The following SEC14L1 variants were observed in gnomAD, a reference collection of about 807,000 sequenced individuals.
The protein encoded by SEC14L1 is SEC14-like protein 1.
Under a neutral mutation model 85.3 loss-of-function variants are expected in SEC14L1, and 48 were observed. The observed-to-expected ratio is 0.56, with a 90% CI of 0.45 to 0.72. SEC14L1 has a LOEUF of 0.72. SEC14L1 is among the 30% of genes least tolerant of loss of function. The probability of loss-of-function intolerance (pLI) is 0.00; values close to 1 mark genes in which losing one functional copy is unlikely to be tolerated. For synonymous variants in SEC14L1, 391 were observed against 355.5 expected, an observed-to-expected ratio of 1.10 and a Z score of -1.12; for missense variants, 682 against 921.4, an observed-to-expected ratio of 0.74 and a Z score of 3.36.
chr17:77,185,427 A>G (rs1975223620), intron 3 of SEC14L1: 5 of 977,756 alleles, frequency 5.1e-6, no homozygotes, highest in Non-Finnish European at 4.9e-6. Context: ...GTGGATGGAG[A>G]ATTTTACAGG....
At chr17:77,165,209 T>C (rs1426048138) in intron 3 of SEC14L1, among the ~76,000 whole-genome samples, 1 of 152,240 alleles carries the variant, frequency 6.6e-6, no homozygotes, top group East Asian at 1.9e-4. Context: ...AATCCATATA[T>C]TTCCTCTTCT....
At chr17:77,099,714 C>CCACT (rs781487858) in intron 3 of SEC14L1, among the ~76,000 whole-genome samples, 12 of 152,102 alleles carry the variant, frequency 7.9e-5, no homozygotes, top group Non-Finnish European at 1.6e-4. Context: ...TGAGATCACC[C>CCACT]CACTGCATTC....
intron 8 of SEC14L1, among the ~76,000 whole-genome samples, chr17:77,196,826 C>G (rs1247157287): frequency 1.3e-5 from 2 of 152,220 alleles, no homozygotes; most frequent in African/African-American, 4.8e-5. Context: ...TGTCAGCCTG[C>G]TTACTAGAAA....
intron 5 of SEC14L1, among the ~76,000 whole-genome samples, chr17:77,193,125 C>G (rs1248359557): frequency 3.3e-5 from 5 of 152,224 alleles, no homozygotes; most frequent in African/African-American, 1.2e-4. Context: ...ATGGAGAAGA[C>G]TGTTCAGTGA....
At position 77,200,564 on chromosome 17, in the gene SEC14L1, G is replaced by A; in HGVS notation, c.900G>A (p.Gln300=). The A allele has an allele frequency of 6.2e-7, 1 of 1,614,124 alleles. No individual in the cohort carries two copies. Among genetic ancestry groups the A allele is most frequent in the Non-Finnish European group, 8.5e-7 (1 of 1,179,950 alleles). ...NIDKAREIMC[Q]SLTWRKQHQV... is the part of the protein sequence containing the mutation. ...ACAAAGCCAGAGAGATCATGTGTCA[G>A]TCTTTGACGTGGAGAAAGCAGCATC... The change falls in exon 9 of 17, where the codon CAG becomes CAA. Residue 300 remains glutamine (Q), a synonymous_variant. Transcript: ENST00000436233.
intron 3 of SEC14L1, among the ~76,000 whole-genome samples, chr17:77,189,936 GT>G (rs1476744110): frequency 1.3e-5 from 2 of 152,124 alleles, no homozygotes; most frequent in Non-Finnish European, 2.9e-5. Context: ...CCTTAACAGG[GT>G]CTTTCGCTGA....
intron 3 of SEC14L1, among the ~76,000 whole-genome samples, chr17:77,114,987 A>ACTT (rs1972139679): frequency 6.6e-6 from 1 of 152,022 alleles, no homozygotes; most frequent in Non-Finnish European, 1.5e-5. Context: ...TTTTGCCTTT[A>ACTT]GTCATTTACT....
chr17:77,097,015 A>G (rs1236330757), intron 3 of SEC14L1, among the ~76,000 whole-genome samples: 1 of 152,214 alleles, frequency 6.6e-6, no homozygotes, highest in East Asian at 1.9e-4. Context: ...AACCAAGCAC[A>G]GGCACTGCAC....
chr17:77,112,010 T>G (rs1303943709), intron 3 of SEC14L1, among the ~76,000 whole-genome samples: 1 of 152,210 alleles, frequency 6.6e-6, no homozygotes, highest in Non-Finnish European at 1.5e-5. Context: ...TTCCCAAGTG[T>G]CCTGGGAGGA....
At chr17:77,128,320 G>A (rs920115583) in intron 3 of SEC14L1, among the ~76,000 whole-genome samples, 2 of 152,220 alleles carry the variant, frequency 1.3e-5, no homozygotes, top group African/African-American at 2.4e-5. Flanking sequence ...AGAGGCCACA[G>A]GGGTGGGCGG....
chr17:77,197,688 C>T lies in SEC14L1; in HGVS notation c.819+1377C>T, dbSNP rs146341019. On this transcript the variant is annotated intron_variant, in intron 8 of 16. Transcript: ENST00000436233. Reference sequence around the variant, plus strand: ...AGGCTGGTGCAGTCTTGGGTCACTACAATCTCTGTCTCCCAGGTTCAGGCT... The same window carrying T: ...AGGCTGGTGCAGTCTTGGGTCACTATAATCTCTGTCTCCCAGGTTCAGGCT... Among the ~76,000 whole-genome samples, 679 of 152,074 alleles carry T rather than the reference C, an allele frequency of 4.5e-3. 3 individuals carry two copies. The highest frequency in any genetic ancestry group is 5.5e-3 in the Non-Finnish European group (377 of 68,006).
chr17:77,214,052 A>G lies in SEC14L1; in HGVS notation c.*29A>G. ...CGCGCTGCCTGCACCTAGTGTGCAG[A>G]GGGGACGGCCGCCCCTCCTCGGACA... On this transcript the variant is annotated 3_prime_UTR_variant, in exon 17 of 17. Coordinates refer to ENST00000436233, the MANE Select transcript of SEC14L1 (RefSeq NM_001143998.2). 2 of 1,599,148 alleles carry G rather than the reference A, an allele frequency of 1.3e-6. No homozygotes were observed. The highest frequency in any genetic ancestry group is 1.7e-6 in the Non-Finnish European group (2 of 1,172,728).
In SEC14L1 at chr17:77,206,910, G is replaced by C; in HGVS notation, c.1476+48G>C. ...GCACATTTGGCCCCTTATGCAGGTG[G>C]GAGAGGTCGGTGTCGATTTGCACAA... On this transcript the variant is annotated intron_variant, in intron 13 of 16. Coordinates refer to ENST00000436233, the MANE Select transcript of SEC14L1 (RefSeq NM_001143998.2). The surrounding 1 kb of genome is among the most constrained non-coding windows in gnomAD (Gnocchi z 4.3). The C allele has an allele frequency of 6.9e-7, 1 of 1,454,514 alleles. No individual in the cohort carries two copies. The highest frequency in any genetic ancestry group is 9.1e-7 in the Non-Finnish European group (1 of 1,097,170). 90.1% of individuals were successfully genotyped at this position (1,454,514 alleles called of 1,614,324 possible).
At chr17:77,161,820 C>G (rs1218278355) in intron 3 of SEC14L1, among the ~76,000 whole-genome samples, 2 of 149,254 alleles carry the variant, frequency 1.3e-5, no homozygotes, top group African/African-American at 2.5e-5. Flanking sequence ...CTGGTTGGCT[C>G]AAGTACTATA....
In SEC14L1 at chr17:77,215,288, G is replaced by T. The variant is rs1477561932; in HGVS notation, c.*1265G>T. 2.0e-6 allele frequency: 2 copies of T among 985,264 alleles called. No individual in the cohort carries two copies. The highest frequency in any genetic ancestry group is 1.7e-5 in the African/African-American group (1 of 57,196). 61.0% of individuals were successfully genotyped at this position (985,264 alleles called of 1,614,324 possible). On this transcript the variant is annotated 3_prime_UTR_variant, in exon 17 of 17. Transcript: ENST00000436233. ...TTTCAGCTTTTTATGGGAAAAGCAG[G>T]TTATTTGAGAATCTGTCCAGAAGTT...
In SEC14L1 at chr17:77,215,694, C is replaced by T. The variant is rs931141632; in HGVS notation, c.*1671C>T. ...TCGAGCTCCTCAGTGGTACCTGAAG[C>T]CTTTGCTTCCGGAAAGCGCGGTAGG... On this transcript the variant is annotated 3_prime_UTR_variant, in exon 17 of 17. Transcript: ENST00000436233. 2 of 995,030 alleles carry T rather than the reference C, an allele frequency of 2.0e-6. No individual in the cohort carries two copies. Among genetic ancestry groups the T allele is most frequent in the Non-Finnish European group, 2.4e-6 (2 of 834,600 alleles). The allele number at this position is 995,030 out of a possible 1,614,324, so 61.6% of individuals were successfully genotyped here. A position where few individuals can be genotyped will look rare whatever the true frequency, so the allele number is the denominator to read the frequency against.
intron 3 of SEC14L1, among the ~76,000 whole-genome samples, chr17:77,107,346 C>T (rs772957283): frequency 5.9e-5 from 9 of 152,056 alleles, no homozygotes; most frequent in Non-Finnish European, 1.2e-4. Flanking sequence ...GGCTCAGGGA[C>T]GATCACTTGC....
In SEC14L1 at chr17:77,214,465, TGGCCCGCACGCCGCCTCAC is replaced by T. The variant is rs1353464745; in HGVS notation, c.*448_*466del. 1 of 1,001,964 alleles carries T rather than the reference TGGCCCGCACGCCGCCTCAC, an allele frequency of 1.0e-6. No individual in the cohort carries two copies. The highest frequency in any genetic ancestry group is 1.1e-4 in the East Asian group (1 of 9,454). The allele number at this position is 1,001,964 out of a possible 1,614,324, so 62.1% of individuals were successfully genotyped here. A position where few individuals can be genotyped will look rare whatever the true frequency, so the allele number is the denominator to read the frequency against. On this transcript the variant is annotated 3_prime_UTR_variant, in exon 17 of 17. Coordinates refer to ENST00000436233, the MANE Select transcript of SEC14L1 (RefSeq NM_001143998.2). ...AGCTCGCTTCCCCCAAGCTGCCTCA[TGGCCCGCACGCCGCCTCAC>T]GGCCCCCATGCTTCCCGCCAGTCAA... is the stretch of plus-strand genomic sequence containing the variant.
At chr17:77,094,809 C>T (rs1971601095) in intron 3 of SEC14L1, 1 of 152,212 alleles carries the variant, frequency 6.6e-6, no homozygotes, top group Non-Finnish European at 1.5e-5. Flanking sequence ...ATTTGGGCCA[C>T]TCACAAGAGT....
Sources: allele counts gnomAD v4.1 joint callset (sites outside exome capture counted in the v4.1 genomes callset), GRCh38; gene constraint gnomAD v4.1.1; non-coding constraint Gnocchi (gnomAD v3.1); transcripts MANE v1.5; gene names NCBI Gene and HGNC (gene_info 2026-07-23, HGNC 2026-07-21).